ADSS2: variants seen among roughly 807,000 people sequenced by gnomAD.
ADSS2 encodes the protein adenylosuccinate synthetase isozyme 2.
In ADSS2, 30 loss-of-function variants were observed where a neutral mutation model predicts 60.0. That is an observed-to-expected ratio of 0.50 (90% CI 0.37 to 0.68). ADSS2 has a LOEUF of 0.68. Ranked by LOEUF, ADSS2 falls within the 30% of genes least tolerant of loss-of-function variation. The pLI is 0.00. For missense variants in ADSS2, 373 were observed against 554.8 expected (o/e 0.67, Z 3.29); for synonymous variants, 187 against 193.1 (o/e 0.97, Z 0.26).
At chr1:244,428,396 A>T (rs1211954812) in intron 4 of ADSS2, among the ~76,000 whole-genome samples, 1 of 152,158 alleles carries the variant, frequency 6.6e-6, no homozygotes, top group Non-Finnish European at 1.5e-5. Flanking sequence ...AATGGAAATG[A>T]TTGTAAAAAT....
chr1:244,452,053 A>T (rs946913983), upstream of ADSS2: 14 of 363,278 alleles, frequency 3.9e-5, no homozygotes, highest in Non-Finnish European at 6.3e-5. Flanking sequence ...CACCGCCCGC[A>T]GGAAGAGGCC....
Position 244,420,175 on chromosome 1 carries a change from T to A in ADSS2, c.785A>T (p.Asp262Val). 6.2e-7 allele frequency: 1 copy of A among 1,613,210 alleles called. No individual in the cohort carries two copies. Among genetic ancestry groups the A allele is most frequent in the Non-Finnish European group, 8.5e-7 (1 of 1,179,502 alleles). The part of the protein sequence containing the change: ...EGANAALLDI[D>V]FGTYPFVTSS... ...ATAAGTCATATCTCACTTACCAAAA[T>A]CAATATCTAATAGTGCTGCATTTGC... The change falls in exon 8 of 13, where the codon GAT becomes GTT. Residue 262 changes from aspartate (D) to valine (V), a missense_variant. By Grantham distance (152) the Asp-to-Val change is radical. Transcript: ENST00000366535.
At chr1:244,432,207 C>T (rs975817200) in intron 4 of ADSS2, among the ~76,000 whole-genome samples, 10 of 152,276 alleles carry the variant, frequency 6.6e-5, no homozygotes, top group East Asian at 3.9e-4. Context: ...ATCTGCAAAA[C>T]GGTACACTTA....
Position 244,432,535 on chromosome 1 carries a change from T to C in ADSS2, c.406+10A>G. 1 of 1,547,392 alleles carries C rather than the reference T, an allele frequency of 6.5e-7. No individual in the cohort carries two copies. The highest frequency in any genetic ancestry group is 8.8e-7 in the Non-Finnish European group (1 of 1,139,736). ...GATAGTTACAAATAAATGCAATATATCCACCTTACCAATATGAGCTCTGTC... is the reference window on the plus strand; with the variant it reads ...GATAGTTACAAATAAATGCAATATACCCACCTTACCAATATGAGCTCTGTC... On this transcript the variant is annotated intron_variant, in intron 4 of 12. Coordinates refer to ENST00000366535, the MANE Select transcript of ADSS2 (RefSeq NM_001126.5).
At position 244,437,596 on chromosome 1, in the gene ADSS2, A is replaced by G. The variant is rs994224048; in HGVS notation, c.286+70T>C. ...TCAGTGAGAGATGAAAACAGTTTTG[A>G]CAATAAAAAATAAACGCCATTATCA... On this transcript the variant is annotated intron_variant, in intron 2 of 12. Transcript: ENST00000366535. 8.1e-6 allele frequency: 9 copies of G among 1,112,896 alleles called. No individual in the cohort carries two copies. The African/African-American group carries it at 1.1e-4, about 13-fold the overall frequency. The allele number at this position is 1,112,896 out of a possible 1,614,324, so 68.9% of individuals were successfully genotyped here. A position where few individuals can be genotyped will look rare whatever the true frequency, so the allele number is the denominator to read the frequency against.
rs374679357 is a variant in ADSS2, at chr1:244,418,954, G to A, written c.791-40C>T. The A allele has an allele frequency of 2.7e-6, 4 of 1,489,646 alleles. No individual in the cohort carries two copies. In the African/African-American group the frequency reaches 5.7e-5, roughly 21 times the overall value. The allele number at this position is 1,489,646 out of a possible 1,614,324, so 92.3% of individuals were successfully genotyped here. ...AGACATTAAAATATAGTAGACACAT[G>A]AATAACACATTTTAAAACAGAATTA... On this transcript the variant is annotated intron_variant, in intron 8 of 12. Transcript: ENST00000366535.
At chr1:244,417,899 T>C (rs1252896820) in intron 9 of ADSS2, 147 bp from the exon 10 acceptor site, 3 of 710,912 alleles carry the variant, frequency 4.2e-6, no homozygotes, top group Non-Finnish European at 6.5e-6. Flanking sequence ...TCCACAGAGA[T>C]GATGAATTTT....
rs528269285 is a variant in ADSS2 at position 244,424,004 on chromosome 1, C to G, written c.530G>C (p.Ser177Thr). The G allele has an allele frequency of 4.3e-6, 7 of 1,613,710 alleles. No individual in the cohort carries two copies. In the African/African-American group the frequency reaches 9.3e-5, roughly 22 times the overall value. The change falls in exon 6 of 13, where the codon AGT becomes ACT. Residue 177 changes from serine (S) to threonine (T), a missense_variant. This residue lies in a region of ADSS2 where 139 missense variants were observed against 189.4 expected (regional missense o/e 0.73). Coordinates refer to ENST00000366535, the MANE Select transcript of ADSS2 (RefSeq NM_001126.5). Reference sequence around the variant, plus strand: ...AACAAGGTCGCACATCCTGAGTCCACTCCGAGCAGCTTTGGACGAATAAAC... The same window carrying G: ...AACAAGGTCGCACATCCTGAGTCCAGTCCGAGCAGCTTTGGACGAATAAAC... ...GPVYSSKAAR[S>T]GLRMCDLVSD...
At chr1:244,443,281 C>T (rs1433025178) in intron 1 of ADSS2, among the ~76,000 whole-genome samples, 2 of 152,234 alleles carry the variant, frequency 1.3e-5, no homozygotes, top group East Asian at 1.9e-4. Flanking sequence ...ATCACATTAA[C>T]AGTTACACTA....
intron 10 of ADSS2, among the ~76,000 whole-genome samples, chr1:244,416,685 T>C (rs1423544378): frequency 6.6e-6 from 1 of 152,188 alleles, no homozygotes; most frequent in African/African-American, 2.4e-5. Context: ...GGAGTTAAGG[T>C]TGCACTGTGG....
intron 4 of ADSS2, among the ~76,000 whole-genome samples, chr1:244,426,219 A>G (rs899323238): frequency 6.6e-6 from 1 of 152,126 alleles, no homozygotes; most frequent in Non-Finnish European, 1.5e-5. Flanking sequence ...CGCCATTCTC[A>G]TTTCTTTTGA....
At chr1:244,418,956 A>G in intron 8 of ADSS2, 42 bp from the exon 9 acceptor site, 22 of 1,488,604 alleles carry the variant, frequency 1.5e-5, no homozygotes, top group Non-Finnish European at 1.6e-5. Flanking sequence ...AGACACATGA[A>G]TAACACATTT....
chr1:244,432,518 C>T (rs753571877), intron 4 of ADSS2, 27 bp downstream of exon 4: 11 of 1,464,246 alleles, frequency 7.5e-6, no homozygotes, highest in Admixed American at 4.6e-5. Flanking sequence ...AAGATAGTTA[C>T]AAATAAATGC....
intron 1 of ADSS2, among the ~76,000 whole-genome samples, chr1:244,439,801 T>A (rs1184632041): frequency 6.6e-6 from 1 of 152,218 alleles, no homozygotes; most frequent in African/African-American, 2.4e-5. Flanking sequence ...CTGTGCTGGC[T>A]AGGCTTGCTG....
At chr1:244,415,707 A>G (rs781276524) in intron 11 of ADSS2, among the ~76,000 whole-genome samples, 1 of 152,230 alleles carries the variant, frequency 6.6e-6, no homozygotes, top group Non-Finnish European at 1.5e-5. Flanking sequence ...ATTGCTTTCA[A>G]AGGAGGGAAG....
chr1:244,451,551 T>C lies in ADSS2; in HGVS notation c.183+84A>G. On this transcript the variant is annotated intron_variant, in intron 1 of 12. Coordinates refer to ENST00000366535, the MANE Select transcript of ADSS2 (RefSeq NM_001126.5). The surrounding 1 kb of genome is among the most constrained non-coding windows in gnomAD (Gnocchi z 6.6). ...CTCATTTTGGCCAGTGGATCCGGGT[T>C]CTGGGTCCGAGTTCCCGGGCACCAG... 7.0e-7 allele frequency: 1 copy of C among 1,434,754 alleles called. No homozygotes were observed. The highest frequency in any genetic ancestry group is 2.3e-5 in the Admixed American group (1 of 43,236). 88.9% of individuals were successfully genotyped at this position (1,434,754 alleles called of 1,614,324 possible).
chr1:244,446,054 C>CA (rs1384172365), intron 1 of ADSS2, among the ~76,000 whole-genome samples: 1 of 152,206 alleles, frequency 6.6e-6, no homozygotes, highest in Non-Finnish European at 1.5e-5. Flanking sequence ...AGCAGTGTCT[C>CA]AGATCCCATG....
intron 1 of ADSS2, among the ~76,000 whole-genome samples, chr1:244,449,517 A>G (rs1277794021): frequency 6.6e-6 from 1 of 152,212 alleles, no homozygotes; most frequent in East Asian, 1.9e-4. Context: ...CAACATTCCA[A>G]TTTTATAACC....
intron 8 of ADSS2, among the ~76,000 whole-genome samples, chr1:244,419,598 T>C (rs560819929): frequency 1.3e-5 from 2 of 152,088 alleles, no homozygotes; most frequent in Admixed American, 6.5e-5. Context: ...TAAAAGCCAA[T>C]GAAATGTCAG....
Sources: allele counts gnomAD v4.1 joint callset (sites outside exome capture counted in the v4.1 genomes callset), GRCh38; gene constraint gnomAD v4.1.1; regional missense constraint gnomAD v4.1.1; non-coding constraint Gnocchi (gnomAD v3.1); transcripts MANE v1.5; gene names NCBI Gene and HGNC (gene_info 2026-07-23, HGNC 2026-07-21).